Variants in RBM26 observed in about 807,000 individuals in gnomAD.
RBM26 encodes the protein RNA binding motif protein 26.
Under a neutral mutation model 123.6 loss-of-function variants are expected in RBM26, and 30 were observed. That is an observed-to-expected ratio of 0.24 (90% confidence interval 0.18 to 0.33). The LOEUF is 0.33. RBM26 is among the 10% of genes least tolerant of loss of function. The pLI is 1.00. For synonymous variants in RBM26, 400 were observed against 404.4 expected (o/e 0.99, Z 0.13); for missense variants, 947 against 1,203.6 (o/e 0.79, Z 3.15).
rs1437708749 is a variant in RBM26 at position 79,405,965 on chromosome 13, G to A, written c.-191C>T. 2 of 327,600 alleles carry A rather than the reference G, an allele frequency of 6.1e-6. No individual in the cohort carries two copies. The highest frequency in any genetic ancestry group is 1.1e-5 in the Non-Finnish European group (2 of 181,578). The allele number at this position is 327,600 out of a possible 1,614,324, so 20.3% of individuals were successfully genotyped here. A position where few individuals can be genotyped will look rare whatever the true frequency, so the allele number is the denominator to read the frequency against. On this transcript the variant is annotated 5_prime_UTR_variant, in exon 1 of 22. Transcript: ENST00000438737. ...GACCGCCGCAGGCCACAAGTGCACG[G>A]GGTGCCAGGAGCTCCCCGTCCCCGG...
Position 79,368,716 on chromosome 13 carries a change from G to A in RBM26, c.895+14C>T. 6.2e-7 allele frequency: 1 copy of A among 1,608,110 alleles called. No individual in the cohort carries two copies. On this transcript the variant is annotated intron_variant, in intron 6 of 21. Coordinates refer to ENST00000438737, the MANE Select transcript of RBM26 (RefSeq NM_001366735.2). ...TATTAATTAAATACTTTATCAAACA[G>A]CTGAAAGACTTACCATCATAGTCTC...
intron 20 of RBM26, among the ~76,000 whole-genome samples, chr13:79,330,131 C>T (rs895721822): frequency 1.3e-5 from 2 of 152,132 alleles, no homozygotes; most frequent in Admixed American, 1.3e-4. Context: ...AATTTCTATA[C>T]TATAAAATGT....
At chr13:79,357,736 GTGAT>G (rs2074196236) in intron 11 of RBM26, among the ~76,000 whole-genome samples, 1 of 151,866 alleles carries the variant, frequency 6.6e-6, no homozygotes, top group African/African-American at 2.4e-5. Flanking sequence ...TTTTACCAGT[GTGAT>G]TAACTTTGCT....
At chr13:79,363,144 A>G (rs1277482403) in intron 9 of RBM26, among the ~76,000 whole-genome samples, 1 of 152,162 alleles carries the variant, frequency 6.6e-6, no homozygotes, top group African/African-American at 2.4e-5. Flanking sequence ...AGTAATTTCA[A>G]TGCATCAAAG....
chr13:79,379,119 C>T (rs1022945909), intron 1 of RBM26, among the ~76,000 whole-genome samples: 1 of 152,020 alleles, frequency 6.6e-6, no homozygotes, highest in African/African-American at 2.4e-5. Context: ...AAAACATACC[C>T]ATCAGTATAT....
chr13:79,371,194 T>C (rs768944548), intron 4 of RBM26, 32 bp from the exon 5 acceptor site: 2 of 1,545,656 alleles, frequency 1.3e-6, no homozygotes, highest in East Asian at 2.3e-5. Context: ...TTAATACAAA[T>C]AATTTTTAAG....
intron 6 of RBM26, 75 bp downstream of exon 6, chr13:79,368,655 T>C: frequency 3.6e-6 from 5 of 1,408,294 alleles, no homozygotes; most frequent in Non-Finnish European, 4.9e-6. Context: ...TGAATAACTA[T>C]GTACAACATA....
chr13:79,326,616 C>A (rs1016946553), intron 20 of RBM26, among the ~76,000 whole-genome samples: 2 of 152,064 alleles, frequency 1.3e-5, no homozygotes, highest in African/African-American at 4.8e-5. Context: ...ATCATTTCTA[C>A]AAAACAGCCT....
intron 14 of RBM26, among the ~76,000 whole-genome samples, chr13:79,345,508 A>G (rs1284654826): frequency 6.6e-6 from 1 of 152,092 alleles, no homozygotes; most frequent in Non-Finnish European, 1.5e-5. Context: ...TCTACAATGT[A>G]AGGGCATTAA....
intron 1 of RBM26, chr13:79,389,567 C>G (rs1458187254): frequency 6.6e-6 from 1 of 152,150 alleles, no homozygotes; most frequent in African/African-American, 2.4e-5. Flanking sequence ...ACTAACCAAG[C>G]CTAATCCTGC....
At chr13:79,347,598 C>CAAG (rs2072548061) in intron 14 of RBM26, among the ~76,000 whole-genome samples, 1 of 151,900 alleles carries the variant, frequency 6.6e-6, no homozygotes, top group South Asian at 2.1e-4. Context: ...TTTCTATATT[C>CAAG]CAAATGCATT....
intron 1 of RBM26, among the ~76,000 whole-genome samples, chr13:79,386,916 G>C (rs1351044046): frequency 6.6e-6 from 1 of 152,124 alleles, no homozygotes; most frequent in African/African-American, 2.4e-5. Flanking sequence ...CTATCATCCT[G>C]TTGGATAAAT....
intron 5 of RBM26, among the ~76,000 whole-genome samples, chr13:79,370,687 T>G (rs2075790668): frequency 6.6e-6 from 1 of 152,240 alleles, no homozygotes; most frequent in African/African-American, 2.4e-5. Flanking sequence ...GAGTTTCAGC[T>G]TATCTACTTT....
intron 4 of RBM26, 84 bp downstream of exon 4, chr13:79,371,758 G>A (rs1171008478): frequency 1.1e-6 from 1 of 937,440 alleles, no homozygotes; most frequent in African/African-American, 1.6e-5. Flanking sequence ...ACTTGCCTCT[G>A]CGTAAAAGAT....
chr13:79,376,774 T>C lies in RBM26; in HGVS notation c.327+605A>G, dbSNP rs745472658. 4 of 152,444 alleles carry C rather than the reference T, an allele frequency of 2.6e-5. No individual in the cohort carries two copies. In the East Asian group the frequency reaches 7.7e-4, roughly 29 times the overall value. The allele number at this position is 152,444 out of a possible 1,614,324, so 9.4% of individuals were successfully genotyped here. A position where few individuals can be genotyped will look rare whatever the true frequency, so the allele number is the denominator to read the frequency against. ...ATTAAGACTCTATGTCTGTAAGATA[T>C]TGTGCAGAGTAAAAGCAGGCCTGAC... On this transcript the variant is annotated intron_variant, in intron 3 of 21. Coordinates refer to ENST00000438737, the MANE Select transcript of RBM26 (RefSeq NM_001366735.2).
intron 18 of RBM26, among the ~76,000 whole-genome samples, chr13:79,340,161 CTT>C (rs58615322): frequency 6.6e-6 from 1 of 150,680 alleles, no homozygotes; most frequent in Admixed American, 6.6e-5. Flanking sequence ...ATTTTTCAAA[CTT>C]TTTTTTTTCC....
At chr13:79,318,692 TCA>T, downstream of RBM26, 1 of 607,034 alleles carries the variant, frequency 1.6e-6, no homozygotes, top group Non-Finnish European at 2.1e-6. Context: ...ATATGTATTT[TCA>T]GTTACATTGT....
At chr13:79,336,099 C>T (rs9545077) in intron 19 of RBM26, among the ~76,000 whole-genome samples, 10,312 of 152,116 alleles carry the variant, frequency 0.068, 387 homozygotes, top group Middle Eastern at 0.23. Flanking sequence ...CTGCAAGCCT[C>T]CAATATGATT....
At chr13:79,324,736 T>A (rs2068119156) in intron 20 of RBM26, among the ~76,000 whole-genome samples, 1 of 151,370 alleles carries the variant, frequency 6.6e-6, no homozygotes, top group Non-Finnish European at 1.5e-5. Context: ...TTTTACTATT[T>A]AAAAAAAAGA....
Sources: gnomAD v4.1 joint callset for allele counts (sites outside exome capture counted in the v4.1 genomes callset) on GRCh38, gnomAD v4.1.1 for gene constraint, MANE v1.5 for transcripts, NCBI Gene and HGNC (gene_info 2026-07-23, HGNC 2026-07-21) for gene names.